The following SLC31A1 variants were observed in gnomAD, a reference collection of about 807,000 sequenced individuals.
The protein encoded by SLC31A1 is high affinity copper uptake protein 1.
Under a neutral mutation model 17.2 loss-of-function variants are expected in SLC31A1, and 5 were observed. The observed-to-expected ratio is 0.29, with a 90% CI of 0.15 to 0.61. The LOEUF (loss-of-function observed/expected upper bound fraction) is 0.61. Ranked by LOEUF, SLC31A1 falls within the 20% of genes least tolerant of loss-of-function variation. SLC31A1 has a pLI of 0.86. For synonymous variants in SLC31A1, 76 were observed against 78.8 expected (o/e 0.96, Z 0.19); for missense variants, 161 against 241.4 (o/e 0.67, Z 2.21).
chr9:113,231,532 C>T (rs1009804923), intron 1 of SLC31A1, among the ~76,000 whole-genome samples: 1 of 151,178 alleles, frequency 6.6e-6, no homozygotes, highest in Non-Finnish European at 1.5e-5. Flanking sequence ...CTACTGCACT[C>T]CAGCCGGGAC....
At position 113,264,460 on chromosome 9, in the gene SLC31A1, G is replaced by C. The variant is rs753127732; in HGVS notation, c.*3987G>C. 1.0e-4 allele frequency: 16 copies of C among 152,598 alleles called. No individual in the cohort carries two copies. The highest frequency in any genetic ancestry group is 2.2e-4 in the Non-Finnish European group (15 of 68,036). 9.5% of individuals were successfully genotyped at this position (152,598 alleles called of 1,614,324 possible). A position where few individuals can be genotyped will look rare whatever the true frequency, so the allele number is the denominator to read the frequency against. The stretch of plus-strand genomic sequence containing the variant: ...TGTTTTAACAGTGTCATATGAAAAA[G>C]AACAAAATAAATATTTTGATTTTGT... On this transcript the variant is annotated 3_prime_UTR_variant, in exon 5 of 5. Transcript: ENST00000374212.
At chr9:113,256,817 C>T (rs1454223604) in intron 2 of SLC31A1, among the ~76,000 whole-genome samples, 1 of 149,984 alleles carries the variant, frequency 6.7e-6, no homozygotes, top group African/African-American at 2.5e-5. Flanking sequence ...GCCGAGATCT[C>T]GCCACTGCAT....
chr9:113,241,490 C>T (rs753126872), intron 1 of SLC31A1, among the ~76,000 whole-genome samples: 34 of 152,178 alleles, frequency 2.2e-4, no homozygotes, highest in Non-Finnish European at 4.6e-4. Flanking sequence ...GACAAGTCCC[C>T]AGAGGTATTT....
At chr9:113,229,261 C>T (rs2118984246) in intron 1 of SLC31A1, among the ~76,000 whole-genome samples, 1 of 152,374 alleles carries the variant, frequency 6.6e-6, no homozygotes, top group Middle Eastern at 3.4e-3. Flanking sequence ...GACCAGCTCT[C>T]CTTAGGGACC....
At chr9:113,254,978 A>G (rs1831704848) in intron 1 of SLC31A1, among the ~76,000 whole-genome samples, 1 of 152,198 alleles carries the variant, frequency 6.6e-6, no homozygotes, top group South Asian at 2.1e-4. Context: ...GTGATGTGGT[A>G]GTAAAGATAC....
intron 1 of SLC31A1, among the ~76,000 whole-genome samples, chr9:113,240,840 A>G (rs1831513321): frequency 6.6e-6 from 1 of 152,134 alleles, no homozygotes; most frequent in South Asian, 2.1e-4. Context: ...ACTTGAGGTC[A>G]GGAGTTTGAG....
intron 1 of SLC31A1, among the ~76,000 whole-genome samples, chr9:113,241,005 G>C (rs970109541): frequency 6.7e-6 from 1 of 149,404 alleles, no homozygotes; most frequent in African/African-American, 2.5e-5. Flanking sequence ...AGCCGAGATC[G>C]TGCCACTGTA....
chr9:113,236,153 A>G (rs1469714375), intron 1 of SLC31A1, among the ~76,000 whole-genome samples: 5 of 151,934 alleles, frequency 3.3e-5, no homozygotes, highest in Non-Finnish European at 2.9e-5. Context: ...AAACCTGGCT[A>G]GTTTTTGTAT....
Position 113,256,443 on chromosome 9 carries a change from C to G in SLC31A1, c.129+166C>G, listed in dbSNP as rs1831729370. 8.9e-6 allele frequency: 6 copies of G among 670,762 alleles called. No individual in the cohort carries two copies. In the East Asian group the frequency reaches 9.2e-5, roughly 10 times the overall value. The allele number at this position is 670,762 out of a possible 1,614,324, so 41.6% of individuals were successfully genotyped here. Reference sequence around the variant, plus strand: ...AAGTCATTTGCTCCAGATTATGTGGCAAGCTACTTACAGAGTCACACCAGA... The same window carrying G: ...AAGTCATTTGCTCCAGATTATGTGGGAAGCTACTTACAGAGTCACACCAGA... On this transcript the variant is annotated intron_variant, in intron 2 of 4. Transcript: ENST00000374212.
At position 113,262,130 on chromosome 9, in the gene SLC31A1, AG is replaced by A. The variant is rs909550510; in HGVS notation, c.*1658del. ...ACCAGTCATGGGCCAGAAGGGCAAA[AG>A]CCCAGCTTTCTCTTTGGAAAGACTC... On this transcript the variant is annotated 3_prime_UTR_variant, in exon 5 of 5. Coordinates refer to ENST00000374212, the MANE Select transcript of SLC31A1 (RefSeq NM_001859.4). 1 of 152,530 alleles carries A rather than the reference AG, an allele frequency of 6.6e-6. No homozygotes were observed. Among genetic ancestry groups the A allele is most frequent in the African/African-American group, 2.4e-5 (1 of 41,464 alleles). The allele number at this position is 152,530 out of a possible 1,614,324, so 9.4% of individuals were successfully genotyped here. A position where few individuals can be genotyped will look rare whatever the true frequency, so the allele number is the denominator to read the frequency against.
At chr9:113,236,023 T>C (rs1398956601) in intron 1 of SLC31A1, among the ~76,000 whole-genome samples, 1 of 152,256 alleles carries the variant, frequency 6.6e-6, no homozygotes, top group Non-Finnish European at 1.5e-5. Flanking sequence ...AGTCTTGCTG[T>C]GTCGCCCAGG....
intron 1 of SLC31A1, among the ~76,000 whole-genome samples, chr9:113,243,809 T>C (rs184767057): frequency 6.6e-6 from 1 of 152,154 alleles, no homozygotes; most frequent in Non-Finnish European, 1.5e-5. Flanking sequence ...TGAGTTATCG[T>C]CCCTTTTTGC....
intron 1 of SLC31A1, among the ~76,000 whole-genome samples, chr9:113,226,226 C>T (rs1008689618): frequency 6.6e-6 from 1 of 151,796 alleles, no homozygotes; most frequent in Non-Finnish European, 1.5e-5. Context: ...AGTAACAGGG[C>T]ATCACCCAAA....
At chr9:113,234,811 A>G (rs79463945) in intron 1 of SLC31A1, among the ~76,000 whole-genome samples, 4,467 of 152,260 alleles carry the variant, frequency 0.029, 85 homozygotes, top group African/African-American at 0.036. Flanking sequence ...TGTTTACTAT[A>G]TATGTTATTA....
In SLC31A1 at chr9:113,263,761, G is replaced by A. The variant is rs10981709; in HGVS notation, c.*3288G>A. The A allele has an allele frequency of 0.17, 26,569 of 152,246 alleles. 2,788 individuals carry two copies. The highest frequency in any genetic ancestry group is 0.24 in the Non-Finnish European group (16,283 of 67,908). The allele number at this position is 152,246 out of a possible 1,614,324, so 9.4% of individuals were successfully genotyped here. ...CCAGAGTTACAGAATCTTAGGTGCC[G>A]TCTCTAGTCTGTGAGGGAGGAACTC... On this transcript the variant is annotated 3_prime_UTR_variant, in exon 5 of 5. Coordinates refer to ENST00000374212, the MANE Select transcript of SLC31A1 (RefSeq NM_001859.4).
intron 1 of SLC31A1, among the ~76,000 whole-genome samples, chr9:113,252,794 A>G (rs1317392301): frequency 6.6e-6 from 1 of 152,156 alleles, no homozygotes; most frequent in Admixed American, 6.5e-5. Flanking sequence ...TCATATTGAT[A>G]ATATGGAATG....
rs1451644056 is a variant in SLC31A1 at position 113,261,252 on chromosome 9, A to C, written c.*779A>C. ...ACTCCAGCCTGGGTGACAAGAGTGA[A>C]ACTCCATCTCAAAAAAAAAGAAAAG... On this transcript the variant is annotated 3_prime_UTR_variant, in exon 5 of 5. Transcript: ENST00000374212. The C allele has an allele frequency of 6.6e-6, 1 of 152,576 alleles. No individual in the cohort carries two copies. The highest frequency in any genetic ancestry group is 2.4e-5 in the African/African-American group (1 of 41,460). 9.5% of individuals were successfully genotyped at this position (152,576 alleles called of 1,614,324 possible).
chr9:113,228,643 C>G (rs1397210877), intron 1 of SLC31A1, among the ~76,000 whole-genome samples: 1 of 152,164 alleles, frequency 6.6e-6, no homozygotes, highest in Non-Finnish European at 1.5e-5. Flanking sequence ...ATATGTAAAG[C>G]TCAGAAACCC....
chr9:113,240,769 G>C lies in SLC31A1; in HGVS notation c.-35-15345G>C, dbSNP rs1831512515. ...TCAAAATGCTGAATTTTATTGAGGGGCCAGGCACGGTGGCTCACACCTGTA... is the reference window on the plus strand; with the variant it reads ...TCAAAATGCTGAATTTTATTGAGGGCCCAGGCACGGTGGCTCACACCTGTA... On this transcript the variant is annotated intron_variant, in intron 1 of 4. Transcript: ENST00000374212. Among the ~76,000 whole-genome samples the C allele has an allele frequency of 2.6e-5, 4 of 152,142 alleles. No homozygotes were observed. In the South Asian group the frequency reaches 8.3e-4, roughly 32 times the overall value.
Sources: allele counts gnomAD v4.1 joint callset (sites outside exome capture counted in the v4.1 genomes callset), GRCh38; gene constraint gnomAD v4.1.1; transcripts MANE v1.5; gene names NCBI Gene and HGNC (gene_info 2026-07-23, HGNC 2026-07-21).